Variants in TENT5D observed in about 807,000 individuals in gnomAD.
TENT5D encodes the protein cancer/testis antigen 112.
For synonymous variants in TENT5D, 103 were observed against 100.6 expected (o/e 1.02, Z -0.15); for missense variants, 191 against 287.0 (o/e 0.67, Z 2.42).
intron 3 of TENT5D, among the ~76,000 whole-genome samples, chrX:80,386,906 A>G (rs1304251218): frequency 8.9e-6 from 1 of 112,121 alleles, no homozygotes; most frequent in Non-Finnish European, 1.9e-5. Flanking sequence ...TGCTAAGAAA[A>G]ATTAAAATGT....
At chrX:80,401,763 A>G (rs761188358) in intron 3 of TENT5D, among the ~76,000 whole-genome samples, 8 of 112,245 alleles carry the variant, frequency 7.1e-5, no homozygotes, top group Non-Finnish European at 1.5e-4. Context: ...CCACTTGATC[A>G]TGGTGAATGA....
At position 80,394,142 on chromosome X, in the gene TENT5D, A is replaced by G. The variant is rs141872742; in HGVS notation, c.-141-44468A>G. ...TTGAGGAACCTCAATACTGTTTTCC[A>G]TAATGGCTATACTAATTTATATTCC... On this transcript the variant is annotated intron_variant, in intron 3 of 4. Coordinates refer to the TENT5D transcript ENST00000538312. Among the ~76,000 whole-genome samples, 771 of 111,455 alleles carry G rather than the reference A, an allele frequency of 6.9e-3. 6 individuals are homozygous for G. Among genetic ancestry groups the G allele is most frequent in the African/African-American group, 0.024 (726 of 30,698 alleles).
At chrX:80,339,309 A>T (rs189820208) in intron 2 of TENT5D, among the ~76,000 whole-genome samples, 1 of 111,345 alleles carries the variant, frequency 9.0e-6, no homozygotes, top group Non-Finnish European at 1.9e-5. Flanking sequence ...GCTGACTGGA[A>T]ATCTTTCTAG....
intron 3 of TENT5D, among the ~76,000 whole-genome samples, chrX:80,408,444 C>T (rs1164510492): frequency 1.8e-5 from 2 of 110,170 alleles, no homozygotes; most frequent in Admixed American, 1.9e-4. Flanking sequence ...GAAATACAAA[C>T]TACCATCAGA....
chrX:80,402,733 T>G (rs1358635381), intron 3 of TENT5D, among the ~76,000 whole-genome samples: 1 of 112,050 alleles, frequency 8.9e-6, no homozygotes, highest in East Asian at 2.8e-4. Flanking sequence ...TTCATACCAT[T>G]GTGGCTGGAA....
chrX:80,399,641 A>G (rs989356455), intron 3 of TENT5D, among the ~76,000 whole-genome samples: 14 of 112,627 alleles, frequency 1.2e-4, no homozygotes, highest in Non-Finnish European at 2.4e-4. Flanking sequence ...TTCAAAAGAC[A>G]TGTATTAACA....
chrX:80,407,504 AG>A (rs1394821727), intron 3 of TENT5D, among the ~76,000 whole-genome samples: 2 of 108,814 alleles, frequency 1.8e-5, no homozygotes, highest in Admixed American at 2.0e-4. Flanking sequence ...GAGACAAAGA[AG>A]GCCATTACAT....
intron 1 of TENT5D, among the ~76,000 whole-genome samples, chrX:80,429,007 C>T (rs1023342771): frequency 6.3e-5 from 7 of 111,418 alleles, no homozygotes; most frequent in Non-Finnish European, 1.3e-4. Flanking sequence ...ACCTTCCTCC[C>T]TTTTACCTCC....
chrX:80,377,888 G>A (rs1020713023), intron 3 of TENT5D, among the ~76,000 whole-genome samples: 6 of 111,625 alleles, frequency 5.4e-5, no homozygotes, highest in African/African-American at 2.0e-4. Flanking sequence ...CACATCCTCA[G>A]CAGCACCTGT....
At chrX:80,398,903 A>T (rs1931339020) in intron 3 of TENT5D, among the ~76,000 whole-genome samples, 1 of 111,676 alleles carries the variant, frequency 9.0e-6, no homozygotes, top group Non-Finnish European at 1.9e-5. Flanking sequence ...AGAAAACCTG[A>T]CCAAAAATAA....
chrX:80,426,213 C>T (rs1202686759), intron 1 of TENT5D, among the ~76,000 whole-genome samples: 1 of 110,297 alleles, frequency 9.1e-6, no homozygotes, highest in Non-Finnish European at 1.9e-5. Context: ...TTTGGGAAGC[C>T]CATTAAATAT....
At chrX:80,394,391 C>CTTTTTTTTTTTTTTTTTTTTT (rs35632962) in intron 3 of TENT5D, among the ~76,000 whole-genome samples, 1 of 36,670 alleles carries the variant, frequency 2.7e-5, no homozygotes, top group Non-Finnish European at 4.4e-5. Flanking sequence ...AGGTCCTTTC[C>CTTTTTTTTTTTTTTTTTTTTT]TTTTTTTTTT....
intron 2 of TENT5D, among the ~76,000 whole-genome samples, 198 bp from the exon 3 acceptor site, chrX:80,442,324 A>T (rs1932300078): frequency 8.9e-6 from 1 of 112,195 alleles, no homozygotes; most frequent in African/African-American, 3.2e-5. Flanking sequence ...TCATCAATGT[A>T]TCTAACATCT....
chrX:80,409,951 C>T (rs1931607835), intron 3 of TENT5D, among the ~76,000 whole-genome samples: 1 of 109,495 alleles, frequency 9.1e-6, no homozygotes, highest in Admixed American at 9.8e-5. Context: ...CGCATATCTA[C>T]AACTATCTGA....
intron 1 of TENT5D, among the ~76,000 whole-genome samples, chrX:80,423,657 A>G (rs181315225): frequency 9.1e-6 from 1 of 110,256 alleles, no homozygotes; most frequent in East Asian, 2.9e-4. Context: ...TAGGAGCTGA[A>G]GCAATGATTT....
At chrX:80,339,753 A>G (rs1208774039) in intron 2 of TENT5D, among the ~76,000 whole-genome samples, 1 of 110,525 alleles carries the variant, frequency 9.0e-6, no homozygotes, top group Non-Finnish European at 1.9e-5. Flanking sequence ...GGAAAATTAG[A>G]AAAAATAAAT....
intron 3 of TENT5D, among the ~76,000 whole-genome samples, chrX:80,385,423 A>C (rs1248972019): frequency 8.9e-6 from 1 of 111,971 alleles, no homozygotes; most frequent in Non-Finnish European, 1.9e-5. Flanking sequence ...AAATCAATTC[A>C]AGATGGATTA....
intron 1 of TENT5D, among the ~76,000 whole-genome samples, chrX:80,433,774 A>C (rs2147567184): frequency 8.9e-6 from 1 of 111,737 alleles, no homozygotes; most frequent in East Asian, 2.8e-4. Context: ...ATTTCCCTAT[A>C]CATCAAATGA....
intron 1 of TENT5D, among the ~76,000 whole-genome samples, chrX:80,427,576 A>G (rs1932009801): frequency 9.0e-6 from 1 of 111,726 alleles, no homozygotes; most frequent in Non-Finnish European, 1.9e-5. Flanking sequence ...TTTTCAAGTT[A>G]ATTAATTAGA....
Sources: gnomAD v4.1 joint callset for allele counts (sites outside exome capture counted in the v4.1 genomes callset) on GRCh38, gnomAD v4.1.1 for gene constraint, MANE v1.5 for transcripts, NCBI Gene and HGNC (gene_info 2026-07-23, HGNC 2026-07-21) for gene names.